The following NUP205 variants were observed in gnomAD, a reference collection of about 807,000 sequenced individuals.
NUP205 encodes the protein nucleoporin 205.
NUP205 carries 76 observed loss-of-function variants against 253.8 expected under a neutral mutation model. The ratio of observed to expected loss-of-function variants is 0.30; its 90% CI spans 0.25 to 0.36. NUP205 has a LOEUF of 0.36. Ranked by LOEUF, NUP205 falls within the 10% of genes least tolerant of loss-of-function variation. NUP205 has a pLI of 1.00. For missense variants in NUP205, 2,162 were observed against 2,425.5 expected (o/e 0.89, Z 2.28); for synonymous variants, 832 against 850.1 (o/e 0.98, Z 0.37).
Position 135,577,964 on chromosome 7 carries a change from A to T in NUP205, c.817A>T (p.Met273Leu). The change falls in exon 6 of 43, where the codon ATG (methionine) becomes TTG (leucine). Residue 273 changes from methionine to leucine, a missense_variant. By Grantham distance (15) the Met-to-Leu change is conservative. Around this residue, in one of 5 missense-constraint regions of NUP205, gnomAD observed 892 missense variants for 957.1 expected, o/e 0.93. Coordinates refer to ENST00000285968, the MANE Select transcript of NUP205 (RefSeq NM_015135.3). ...GGATGCAGTGAATCTGGCTCTTCTTATGGCGCTTCTATACTGTTTTGATAT... is the reference window on the plus strand; with the variant it reads ...GGATGCAGTGAATCTGGCTCTTCTTTTGGCGCTTCTATACTGTTTTGATAT... ...SLDAVNLALL[M>L]ALLYCFDISF... 1 of 1,614,100 alleles carries T rather than the reference A, an allele frequency of 6.2e-7. No homozygotes were observed. Among genetic ancestry groups the T allele is most frequent in the Middle Eastern group, 1.6e-4 (1 of 6,062 alleles).
Position 135,644,880 on chromosome 7 carries a change from AT to A in NUP205, c.5560-12del, listed in dbSNP as rs1426271403. ...CCAGTTGATGTCATTCTAATACCAC[AT>A]TTGTTTCTTCTAGTTGTGTCAGTCT... On this transcript the variant is annotated splice_polypyrimidine_tract_variant and intron_variant, in intron 39 of 42. Coordinates refer to ENST00000285968, the MANE Select transcript of NUP205 (RefSeq NM_015135.3). 6.2e-7 allele frequency: 1 copy of A among 1,612,320 alleles called. No individual in the cohort carries two copies. The highest frequency in any genetic ancestry group is 1.3e-5 in the African/African-American group (1 of 74,996).
chr7:135,619,931 G>A lies in NUP205; in HGVS notation c.4330+43G>A, dbSNP rs375400050. ...CCTAATCTTTTCTGGATTGGGAGATGGTTACTTTAAATTGAAAAAAAAAAT... is the reference window on the plus strand; with the variant it reads ...CCTAATCTTTTCTGGATTGGGAGATAGTTACTTTAAATTGAAAAAAAAAAT... On this transcript the variant is annotated intron_variant, in intron 30 of 42. Transcript: ENST00000285968. 3.1e-6 allele frequency: 4 copies of A among 1,294,346 alleles called. No individual in the cohort carries two copies. In the African/African-American group the frequency reaches 4.5e-5, roughly 15 times the overall value. The allele number at this position is 1,294,346 out of a possible 1,614,324, so 80.2% of individuals were successfully genotyped here.
At position 135,597,473 on chromosome 7, in the gene NUP205, A is replaced by G. The variant is rs1793869128; in HGVS notation, c.2064+55A>G. On this transcript the variant is annotated intron_variant, in intron 14 of 42. Transcript: ENST00000285968. ...ATTCATTCATGCATGTAATGATAAG[A>G]AGTCTATGAATCATTCTTACCCTTT... is the stretch of plus-strand genomic sequence containing the variant. 35 of 1,031,842 alleles carry G rather than the reference A, an allele frequency of 3.4e-5. 1 individual carries two copies. In the South Asian group the frequency reaches 4.4e-4, roughly 13 times the overall value. The allele number at this position is 1,031,842 out of a possible 1,614,324, so 63.9% of individuals were successfully genotyped here.
In NUP205 at chr7:135,645,002, G is replaced by A. The variant is rs762180586; in HGVS notation, c.5667G>A (p.Leu1889=). The A allele has an allele frequency of 1.2e-6, 2 of 1,613,976 alleles. No homozygotes were observed. Among genetic ancestry groups the A allele is most frequent in the East Asian group, 2.2e-5 (1 of 44,890 alleles). Reference sequence around the variant, plus strand: ...AGGTGATCAACAATCGAGCTAAACTGCTTTCCCTTTGTTCTTGTATCCTTT... The same window carrying A: ...AGGTGATCAACAATCGAGCTAAACTACTTTCCCTTTGTTCTTGTATCCTTT... ...LVKVINNRAK[L]LSLCSFIIET... The change falls in exon 40 of 43, where the codon CTG becomes CTA. Residue 1889 remains leucine, a synonymous_variant. Coordinates refer to ENST00000285968, the MANE Select transcript of NUP205 (RefSeq NM_015135.3).
intron 2 of NUP205, 31 bp downstream of exon 2, chr7:135,571,278 G>GT: frequency 7.5e-7 from 1 of 1,332,252 alleles, no homozygotes; most frequent in Non-Finnish European, 9.8e-7. Context: ...GTTTTTTTGG[G>GT]ATTTTTTTTT....
intron 18 of NUP205, among the ~76,000 whole-genome samples, chr7:135,603,606 C>T (rs1480444617): frequency 6.6e-6 from 1 of 151,222 alleles, no homozygotes; most frequent in Non-Finnish European, 1.5e-5. Flanking sequence ...GCCTCCCAGG[C>T]TCAGGCGATT....
intron 3 of NUP205, among the ~76,000 whole-genome samples, chr7:135,574,111 T>C (rs749706441): frequency 1.4e-4 from 21 of 152,258 alleles, no homozygotes; most frequent in Middle Eastern, 3.4e-3. Context: ...TAGTTGAGAT[T>C]ACAGGCATGT....
chr7:135,562,709 A>G lies in NUP205; in HGVS notation c.28+4737A>G, dbSNP rs564923193. Among the ~76,000 whole-genome samples, 368 of 151,892 alleles carry G rather than the reference A, an allele frequency of 2.4e-3. 1 individual carries two copies. The highest frequency in any genetic ancestry group is 8.4e-3 in the African/African-American group (349 of 41,414). On this transcript the variant is annotated intron_variant, in intron 1 of 42. Coordinates refer to ENST00000285968, the MANE Select transcript of NUP205 (RefSeq NM_015135.3). ...ACTACAGGCGTGCGCCACCACACCCAGCTAATTTTTGTATTTTTAGTAGAG... is the reference window on the plus strand; with the variant it reads ...ACTACAGGCGTGCGCCACCACACCCGGCTAATTTTTGTATTTTTAGTAGAG...
chr7:135,572,780 C>G (rs961719451), intron 2 of NUP205, among the ~76,000 whole-genome samples: 1 of 152,132 alleles, frequency 6.6e-6, no homozygotes, highest in Admixed American at 6.5e-5. Context: ...GTCTTGAACT[C>G]CTGGCCTCAA....
At chr7:135,601,806 C>T (rs1793971993) in intron 17 of NUP205, among the ~76,000 whole-genome samples, 1 of 151,948 alleles carries the variant, frequency 6.6e-6, no homozygotes, top group Admixed American at 6.6e-5. Context: ...CTTTTTTGTC[C>T]ATCCCCCACC....
At position 135,626,242 on chromosome 7, in the gene NUP205, A is replaced by G. The variant is rs768998424; in HGVS notation, c.4674A>G (p.Ala1558=). 1.9e-6 allele frequency: 3 copies of G among 1,614,088 alleles called. No homozygotes were observed. The highest frequency in any genetic ancestry group is 1.7e-5 in the Admixed American group (1 of 60,006). ...ATTTTTCTCTTGTAACTCCTCAGGCATTTCTCACAAGAGTGGCAAAGATAC... is the reference window on the plus strand; with the variant it reads ...ATTTTTCTCTTGTAACTCCTCAGGCGTTTCTCACAAGAGTGGCAAAGATAC... ...KALYTYESKM[A]FLTRVAKIQQ... The change falls in exon 33 of 43, where the codon GCA becomes GCG. Residue 1558 remains alanine, a splice_region_variant and synonymous_variant. Transcript: ENST00000285968.
intron 26 of NUP205, 131 bp downstream of exon 26, chr7:135,617,378 T>G: frequency 1.1e-6 from 1 of 927,294 alleles, no homozygotes; most frequent in East Asian, 2.5e-5. Flanking sequence ...GGAAGGACTG[T>G]GATTTTTGTA....
chr7:135,593,354 C>T (rs1793743302), intron 12 of NUP205, among the ~76,000 whole-genome samples, 162 bp downstream of exon 12: 1 of 152,040 alleles, frequency 6.6e-6, no homozygotes, highest in Non-Finnish European at 1.5e-5. Context: ...TTGACCTCTA[C>T]AGGGTGTAAG....
chr7:135,579,936 G>A (rs561024442), intron 7 of NUP205, among the ~76,000 whole-genome samples: 4 of 152,270 alleles, frequency 2.6e-5, no homozygotes, highest in East Asian at 1.9e-4. Context: ...GTGAGCCACC[G>A]CGCCTGACCA....
At chr7:135,573,609 C>T in intron 2 of NUP205, 45 bp from the exon 3 acceptor site, 1 of 1,486,820 alleles carries the variant, frequency 6.7e-7, no homozygotes, top group Admixed American at 1.8e-5. Flanking sequence ...GGGACCTTGT[C>T]TCCAGTGTGC....
intron 6 of NUP205, among the ~76,000 whole-genome samples, 162 bp from the exon 7 acceptor site, chr7:135,578,589 A>G (rs968770936): frequency 6.6e-6 from 1 of 152,236 alleles, no homozygotes; most frequent in Non-Finnish European, 1.5e-5. Flanking sequence ...TATGTGTACA[A>G]TCAACAGTAG....
intron 26 of NUP205, among the ~76,000 whole-genome samples, 169 bp downstream of exon 26, chr7:135,617,416 A>G (rs1003461761): frequency 2.0e-5 from 3 of 152,208 alleles, no homozygotes; most frequent in Non-Finnish European, 4.4e-5. Context: ...AACTTAATAT[A>G]TCACCTAACT....
chr7:135,635,478 G>A, intron 35 of NUP205, 103 bp from the exon 36 acceptor site: 1 of 649,758 alleles, frequency 1.5e-6, no homozygotes, highest in Non-Finnish European at 2.6e-6. Flanking sequence ...AAGAATATCT[G>A]TTCATGCACA....
intron 5 of NUP205, among the ~76,000 whole-genome samples, 172 bp from the exon 6 acceptor site, chr7:135,577,618 TTAAGGA>T (rs1454667650): frequency 2.6e-5 from 4 of 152,182 alleles, no homozygotes; most frequent in Non-Finnish European, 4.4e-5. Context: ...CTTAAGGAAC[TTAAGGA>T]TAAGGAATAA....
Sources: allele counts gnomAD v4.1 joint callset (sites outside exome capture counted in the v4.1 genomes callset), GRCh38; gene constraint gnomAD v4.1.1; regional missense constraint gnomAD v4.1.1; transcripts MANE v1.5; gene names NCBI Gene and HGNC (gene_info 2026-07-23, HGNC 2026-07-21).